The following RNF111 variants were observed in gnomAD, a reference collection of about 807,000 sequenced individuals.
RNF111 encodes the protein E3 ubiquitin-protein ligase Arkadia.
Under a neutral mutation model 95.1 loss-of-function variants are expected in RNF111, and 17 were observed. The observed-to-expected ratio is 0.18, with a 90% CI of 0.12 to 0.27. The LOEUF is 0.27. Among genes scored for constraint, RNF111 ranks in the 10% least tolerant of loss-of-function variants. The probability of loss-of-function intolerance (pLI) is 1.00; values close to 1 mark genes in which losing one functional copy is unlikely to be tolerated. For synonymous variants in RNF111, 440 were observed against 414.8 expected (o/e 1.06, Z -0.74); for missense variants, 1,189 against 1,210.4 (o/e 0.98, Z 0.26).
At chr15:59,003,204 C>T (rs147481319) in intron 1 of RNF111, among the ~76,000 whole-genome samples, 1 of 152,214 alleles carries the variant, frequency 6.6e-6, no homozygotes, top group Admixed American at 6.5e-5. Flanking sequence ...CAACCTCTGC[C>T]TCCTGGGCTC....
chr15:59,019,105 A>ATTTTTTT (rs35154303), intron 1 of RNF111, among the ~76,000 whole-genome samples: 1,257 of 121,102 alleles, frequency 0.01, 22 homozygotes, highest in East Asian at 0.029. Flanking sequence ...GTATTTTTGT[A>ATTTTTTT]TTTTTTTTTT....
chr15:59,028,079 G>A (rs542135257), intron 1 of RNF111, among the ~76,000 whole-genome samples: 2 of 151,892 alleles, frequency 1.3e-5, no homozygotes, highest in African/African-American at 4.8e-5. Context: ...TGCCCGCCTC[G>A]GCCTCCCAAA....
intron 1 of RNF111, among the ~76,000 whole-genome samples, chr15:58,989,484 G>T (rs2038713903): frequency 6.6e-6 from 1 of 152,210 alleles, no homozygotes; most frequent in African/African-American, 2.4e-5. Context: ...AAAGTAGGAA[G>T]AATGAGTCTC....
In RNF111 at chr15:59,095,641, A is replaced by G. The variant is rs2079164648; in HGVS notation, c.*741A>G. The G allele has an allele frequency of 1.1e-5, 2 of 177,192 alleles. No homozygotes were observed. The highest frequency in any genetic ancestry group is 4.0e-4 in the South Asian group (2 of 5,060). The allele number at this position is 177,192 out of a possible 1,614,324, so 11.0% of individuals were successfully genotyped here. On this transcript the variant is annotated 3_prime_UTR_variant, in exon 14 of 14. Coordinates refer to ENST00000348370, the MANE Select transcript of RNF111 (RefSeq NM_017610.8). ...TTTTTCCTACATCATTTAGAATTTT[A>G]TTTCCCTGATTCAGTTTTTGCTGCT...
At chr15:59,009,784 G>A (rs558208106) in intron 1 of RNF111, among the ~76,000 whole-genome samples, 1 of 151,836 alleles carries the variant, frequency 6.6e-6, no homozygotes, top group Non-Finnish European at 1.5e-5. Context: ...GCAAAACCTC[G>A]TCTCTGCAAA....
chr15:59,030,351 C>G (rs1418280145), intron 1 of RNF111, among the ~76,000 whole-genome samples: 4 of 152,120 alleles, frequency 2.6e-5, no homozygotes, highest in African/African-American at 9.7e-5. Context: ...TAGTAACCAT[C>G]TAGATGTACA....
intron 6 of RNF111, among the ~76,000 whole-genome samples, 167 bp from the exon 7 acceptor site, chr15:59,075,787 C>T (rs1387070884): frequency 6.6e-6 from 1 of 152,146 alleles, no homozygotes; most frequent in Non-Finnish European, 1.5e-5. Flanking sequence ...TTCAAGATAA[C>T]CAAGTATTTT....
intron 2 of RNF111, among the ~76,000 whole-genome samples, chr15:59,042,546 C>T (rs1038437654): frequency 1.3e-5 from 2 of 152,172 alleles, no homozygotes; most frequent in African/African-American, 4.8e-5. Flanking sequence ...CATTTCCCCC[C>T]AGTCCTTGTA....
At chr15:59,066,675 A>T in intron 5 of RNF111, 89 bp from the exon 6 acceptor site, 1 of 1,015,868 alleles carries the variant, frequency 9.8e-7, no homozygotes, top group Non-Finnish European at 1.4e-6. Context: ...ACATTTCTTT[A>T]AACATTTATT....
intron 1 of RNF111, among the ~76,000 whole-genome samples, chr15:59,007,562 A>C (rs1212580843): frequency 6.6e-6 from 1 of 152,200 alleles, no homozygotes; most frequent in East Asian, 1.9e-4. Flanking sequence ...TTTCCAACTT[A>C]GGCATGGAAT....
intron 2 of RNF111, 150 bp from the exon 3 acceptor site, chr15:59,052,155 C>T: frequency 3.3e-6 from 2 of 607,168 alleles, no homozygotes; most frequent in African/African-American, 1.9e-5. Context: ...GTTTTTTGTT[C>T]CTTGTGTATT....
chr15:59,067,251 T>G (rs1257412800), intron 6 of RNF111, among the ~76,000 whole-genome samples, 168 bp downstream of exon 6: 1 of 128,140 alleles, frequency 7.8e-6, no homozygotes, highest in African/African-American at 2.9e-5. Context: ...CTTTTTTTTT[T>G]TTTAACTCCC....
intron 6 of RNF111, among the ~76,000 whole-genome samples, chr15:59,069,249 C>T (rs538555863): frequency 2.4e-4 from 37 of 152,092 alleles, no homozygotes; most frequent in Admixed American, 2.2e-3. Flanking sequence ...CTCTTGGGAA[C>T]GAGGGAGCAT....
intron 1 of RNF111, among the ~76,000 whole-genome samples, chr15:59,020,399 C>T (rs1339990110): frequency 6.6e-6 from 1 of 151,856 alleles, no homozygotes; most frequent in East Asian, 1.9e-4. Context: ...TGCAGTATGC[C>T]CCTATGACTT....
rs1360942257 is a variant in RNF111, at chr15:59,051,771, C to CAATG, written c.881-531_881-530insGAAT. ...TGGGCAACAGAGTGAGAAACTGTCTCAATAAATAAATAAATAAATAAATAA... is the reference window on the plus strand; with the variant it reads ...TGGGCAACAGAGTGAGAAACTGTCTCAATGAATAAATAAATAAATAAATAAATAA... On this transcript the variant is annotated intron_variant, in intron 2 of 13. Transcript: ENST00000348370. Among the ~76,000 whole-genome samples, 3 of 149,910 alleles carry CAATG rather than the reference C, an allele frequency of 2.0e-5. No homozygotes were observed. In the East Asian group the frequency reaches 5.9e-4, roughly 29 times the overall value.
At chr15:59,064,156 G>C (rs78252119) in intron 5 of RNF111, among the ~76,000 whole-genome samples, 5 of 152,066 alleles carry the variant, frequency 3.3e-5, no homozygotes, top group Non-Finnish European at 7.4e-5. Context: ...CACTTGACCA[G>C]GTTATTCAAC....
At chr15:59,075,693 GA>G (rs1413483534) in intron 6 of RNF111, among the ~76,000 whole-genome samples, 1 of 152,128 alleles carries the variant, frequency 6.6e-6, no homozygotes, top group Admixed American at 6.6e-5. Context: ...TTCATCTTGT[GA>G]TAAAATCTTA....
chr15:59,005,311 A>C (rs1596052445), intron 1 of RNF111, among the ~76,000 whole-genome samples: 1 of 150,956 alleles, frequency 6.6e-6, no homozygotes, highest in Admixed American at 6.8e-5. Flanking sequence ...GAGCCACTGC[A>C]CCCAGCCTCT....
chr15:59,076,150 A>T lies in RNF111; in HGVS notation c.1883A>T (p.Gln628Leu). 9.3e-6 allele frequency: 15 copies of T among 1,613,892 alleles called. No homozygotes were observed. Among genetic ancestry groups the T allele is most frequent in the Non-Finnish European group, 1.3e-5 (15 of 1,179,988 alleles). The change falls in exon 7 of 14, where the codon CAG becomes CTG. Residue 628 changes from glutamine (Q) to leucine (L), a missense_variant. By Grantham distance (113) the Gln-to-Leu change is moderately radical. This residue lies in a region of RNF111 where 1,024 missense variants were observed against 925.9 expected (regional missense o/e 1.11). Transcript: ENST00000348370. ...GGCTATGGATCAAGCATGGTTGCGC[A>T]GCCCCAGCCCCAGCCCCCTCCACAG... is the stretch of plus-strand genomic sequence containing the variant. Reference protein sequence around the residue: ...IDGYGSSMVAQPQPQPPPQPS... With the variant: ...IDGYGSSMVALPQPQPPPQPS...
Sources: allele counts gnomAD v4.1 joint callset (sites outside exome capture counted in the v4.1 genomes callset), GRCh38; gene constraint gnomAD v4.1.1; regional missense constraint gnomAD v4.1.1; transcripts MANE v1.5; gene names NCBI Gene and HGNC (gene_info 2026-07-23, HGNC 2026-07-21).